Variants in GRPR observed in about 807,000 individuals in gnomAD.
The protein encoded by GRPR is gastrin releasing peptide receptor.
GRPR carries 4 observed loss-of-function variants against 15.6 expected under a neutral mutation model. The observed-to-expected ratio is 0.26, with a 90% CI of 0.13 to 0.59. The LOEUF is 0.59. GRPR is among the 20% of genes least tolerant of loss of function. GRPR has a pLI of 0.90. For synonymous variants in GRPR, 128 were observed against 126.8 expected (o/e 1.01, Z -0.06); for missense variants, 270 against 304.1 (o/e 0.89, Z 0.83).
intron 1 of GRPR, among the ~76,000 whole-genome samples, chrX:16,136,249 G>A (rs187501538): frequency 9.0e-6 from 1 of 111,462 alleles, no homozygotes; most frequent in Non-Finnish European, 1.9e-5. Flanking sequence ...GTGATTAGAC[G>A]TTGACTCATT....
intron 1 of GRPR, among the ~76,000 whole-genome samples, chrX:16,129,921 G>C (rs1331909033): frequency 9.0e-6 from 1 of 110,989 alleles, no homozygotes; most frequent in Non-Finnish European, 1.9e-5. Context: ...TCTTCTCACT[G>C]CCTCCCACAT....
rs747273486 is a variant in GRPR at position 16,152,446 on chromosome X, C to A, written c.956C>A (p.Pro319His). 11 of 1,206,987 alleles carry A rather than the reference C, an allele frequency of 9.1e-6. No homozygotes were observed. The highest frequency in any genetic ancestry group is 1.2e-5 in the Non-Finnish European group (11 of 892,477). ...LLAFTNSCVN[P>H]FALYLLSKSF... is the part of the protein sequence containing the mutation. ...GCCTTCACCAACTCCTGCGTGAACC[C>A]CTTTGCCCTCTACCTGCTGAGCAAG... The change falls in exon 3 of 3, where the codon CCC becomes CAC. Residue 319 changes from proline (P) to histidine (H), a missense_variant. This residue lies in a region of GRPR where 133 missense variants were observed against 123.4 expected (regional missense o/e 1.08). Coordinates refer to ENST00000380289, the MANE Select transcript of GRPR (RefSeq NM_005314.3).
At chrX:16,151,144 G>A (rs1248074306) in intron 2 of GRPR, among the ~76,000 whole-genome samples, 1 of 111,731 alleles carries the variant, frequency 9.0e-6, no homozygotes, top group Non-Finnish European at 1.9e-5. Context: ...CAGCCTCTCT[G>A]AGCCTCAGTT....
chrX:16,124,410 C>G, intron 1 of GRPR, 44 bp downstream of exon 1: 2 of 1,110,784 alleles, frequency 1.8e-6, no homozygotes, highest in Non-Finnish European at 2.5e-6. Context: ...GGGTGATAGA[C>G]GCCTGGGTAA....
chrX:16,152,129 T>G, intron 2 of GRPR, 127 bp from the exon 3 acceptor site: 1 of 607,824 alleles, frequency 1.6e-6, no homozygotes, highest in Non-Finnish European at 2.8e-6. Flanking sequence ...TCGGTGGCTT[T>G]GTGAACTCCT....
chrX:16,150,776 G>A, intron 2 of GRPR, 120 bp downstream of exon 2: 1 of 520,056 alleles, frequency 1.9e-6, no homozygotes, highest in Admixed American at 2.7e-5. Context: ...GTGATGTGTG[G>A]CCAGATGCTA....
At chrX:16,130,571 G>A (rs1256385540) in intron 1 of GRPR, among the ~76,000 whole-genome samples, 1 of 112,378 alleles carries the variant, frequency 8.9e-6, no homozygotes, top group Non-Finnish European at 1.9e-5. Context: ...CCCTTCTGAA[G>A]GAAAATACCC....
At position 16,152,628 on chromosome X, in the gene GRPR, C is replaced by A; in HGVS notation, c.1138C>A (p.His380Asn). Residue 380 changes from histidine (H) to asparagine (N), a missense_variant, in exon 3 of 3, where the codon CAC becomes AAC. This residue lies in a region of GRPR where 133 missense variants were observed against 123.4 expected (regional missense o/e 1.08). Coordinates refer to ENST00000380289, the MANE Select transcript of GRPR (RefSeq NM_005314.3). Reference sequence around the variant, plus strand: ...TAGCCTCATCAATGGAAACATCTGTCACGAGCGGTATGTCTAGATTGACCC... The same window carrying A: ...TAGCCTCATCAATGGAAACATCTGTAACGAGCGGTATGTCTAGATTGACCC... The part of the protein sequence containing the change: ...TFSLINGNIC[H>N]ERYV 4 of 1,209,795 alleles carry A rather than the reference C, an allele frequency of 3.3e-6. No homozygotes were observed. In the South Asian group the frequency reaches 7.0e-5, roughly 21 times the overall value.
chrX:16,127,053 A>G (rs1448531976), intron 1 of GRPR, among the ~76,000 whole-genome samples: 1 of 111,519 alleles, frequency 9.0e-6, no homozygotes, highest in Non-Finnish European at 1.9e-5. Flanking sequence ...GAAAAAGTGA[A>G]TGAACTAGAA....
rs928944582 is a variant in GRPR at position 16,131,814 on chromosome X, C to T, written c.413+7448C>T. On this transcript the variant is annotated intron_variant, in intron 1 of 2. Coordinates refer to ENST00000380289, the MANE Select transcript of GRPR (RefSeq NM_005314.3). ...TTCCACATTTTGTTTATCCATTCTC[C>T]GGTTAATGAGCATTAGGGTTGTTTT... Among the ~76,000 whole-genome samples the T allele has an allele frequency of 1.2e-4, 14 of 112,160 alleles. 1 individual carries two copies. The highest frequency in any genetic ancestry group is 1.9e-4 in the African/African-American group (6 of 30,899).
chrX:16,150,374 C>T lies in GRPR; in HGVS notation c.483C>T (p.Ala161=), dbSNP rs113279736. ...CCCTGATGAAGATCTGCCTCAAAGC[C>T]GCCTTTATCTGGATCATCTCCATGC... ...SHALMKICLK[A]AFIWIISMLL... is the part of the protein sequence containing the mutation. The change falls in exon 2 of 3, where the codon GCC becomes GCT. Residue 161 remains alanine (A), a synonymous_variant. Transcript: ENST00000380289. 9.2e-5 allele frequency: 111 copies of T among 1,206,992 alleles called. 3 individuals are homozygous for T. The highest frequency in any genetic ancestry group is 5.1e-4 in the African/African-American group (29 of 56,999).
intron 1 of GRPR, among the ~76,000 whole-genome samples, chrX:16,138,392 A>G: frequency 8.9e-6 from 1 of 112,378 alleles, no homozygotes. Flanking sequence ...ATTCTGTACA[A>G]AAGACAAAAG....
intron 1 of GRPR, among the ~76,000 whole-genome samples, chrX:16,125,419 A>C (rs1387935265): frequency 8.9e-6 from 1 of 112,351 alleles, no homozygotes; most frequent in Non-Finnish European, 1.9e-5. Flanking sequence ...TAAATTTTTC[A>C]CTTATAATCA....
chrX:16,125,705 G>T (rs1922279834), intron 1 of GRPR, among the ~76,000 whole-genome samples: 1 of 112,221 alleles, frequency 8.9e-6, no homozygotes, highest in African/African-American at 3.2e-5. Context: ...TTCAAAGTCT[G>T]AAAAGTAATA....
chrX:16,134,378 A>G (rs1471094267), intron 1 of GRPR, among the ~76,000 whole-genome samples: 4 of 112,257 alleles, frequency 3.6e-5, no homozygotes, highest in Non-Finnish European at 5.6e-5. Context: ...ATATTTTAAA[A>G]TACCTTTCTG....
intron 1 of GRPR, among the ~76,000 whole-genome samples, chrX:16,129,684 G>T (rs1011440900): frequency 2.7e-5 from 3 of 111,723 alleles, no homozygotes; most frequent in African/African-American, 9.8e-5. Flanking sequence ...GGGAAGAAAT[G>T]AAGCAGCCCC....
In GRPR at chrX:16,123,894, A is replaced by C. The variant is rs1922245424; in HGVS notation, c.-60A>C. The C allele has an allele frequency of 7.0e-6, 7 of 1,007,190 alleles. No homozygotes were observed. In the South Asian group the frequency reaches 1.3e-4, roughly 19 times the overall value. 83.0% of individuals were successfully genotyped at this position (1,007,190 alleles called of 1,213,427 possible). The stretch of plus-strand genomic sequence containing the variant: ...TTATCTTCATCTTCACTCGGTTGCA[A>C]AATCAATAGTTAAGAAATAGCATCT... On this transcript the variant is annotated 5_prime_UTR_variant, in exon 1 of 3. Transcript: ENST00000380289.
At chrX:16,149,793 G>A (rs1439522292) in intron 1 of GRPR, among the ~76,000 whole-genome samples, 1 of 110,911 alleles carries the variant, frequency 9.0e-6, no homozygotes, top group Admixed American at 9.6e-5. Context: ...TCAAGAGAGA[G>A]TGTGAATTGT....
intron 1 of GRPR, among the ~76,000 whole-genome samples, chrX:16,141,003 G>A (rs1429277502): frequency 9.0e-6 from 1 of 111,699 alleles, no homozygotes; most frequent in East Asian, 2.8e-4. Context: ...TTGCAAATGG[G>A]ATTTTGAAAT....
Sources: gnomAD v4.1 joint callset for allele counts (sites outside exome capture counted in the v4.1 genomes callset) on GRCh38, gnomAD v4.1.1 for gene constraint, gnomAD v4.1.1 regional missense constraint, MANE v1.5 for transcripts, NCBI Gene and HGNC (gene_info 2026-07-23, HGNC 2026-07-21) for gene names.